The following IGSF10 variants were observed in gnomAD, a reference collection of about 807,000 sequenced individuals.
IGSF10 encodes immunoglobulin superfamily member 10.
IGSF10 carries 126 observed loss-of-function variants against 128.2 expected under a neutral mutation model. That is an observed-to-expected ratio of 0.98 (90% CI 0.85 to 1.14). The LOEUF is 1.14. Ranked by LOEUF, IGSF10 falls within the 50% of genes most tolerant of loss-of-function variation. The pLI is 0.00. For missense variants in IGSF10, 3,295 were observed against 3,149.8 expected, an observed-to-expected ratio of 1.05 and a Z score of -1.10; for synonymous variants, 1,185 against 1,146.2, an observed-to-expected ratio of 1.03 and a Z score of -0.68.
At chr3:151,617,299 TTCTTCTTCTTCTTCTTCTTCC>T in the IGSF10 span, among the ~76,000 whole-genome samples, 47 of 132,908 alleles carry the variant, frequency 3.5e-4, 2 homozygotes, top group African/African-American at 1.3e-3. Flanking sequence ...CTTCTTCTTC[TTCTTCTTCTTCTTCTTCTTCC>T]CCTCCTCCTC....
chr3:151,537,384 T>C, the IGSF10 span, among the ~76,000 whole-genome samples: 3 of 152,152 alleles, frequency 2.0e-5, no homozygotes, highest in South Asian at 6.2e-4. Flanking sequence ...TTTGTCAAAA[T>C]TATAGAGAAA....
upstream of IGSF10, among the ~76,000 whole-genome samples, chr3:151,462,815 T>C (rs535681999): frequency 6.6e-6 from 1 of 152,270 alleles, no homozygotes; most frequent in African/African-American, 2.4e-5. Context: ...ATGAACATGG[T>C]CTTTAGCTCT....
chr3:151,592,221 T>TACAC, the IGSF10 span, among the ~76,000 whole-genome samples: 5,940 of 150,372 alleles, frequency 0.04, 216 homozygotes, highest in East Asian at 0.12. Flanking sequence ...TTGAGATTAA[T>TACAC]ACACACACAC....
At position 151,443,114 on chromosome 3, in the gene IGSF10, C is replaced by G. The variant is rs1198338875; in HGVS notation, c.5833G>C (p.Ala1945Pro). The change falls in exon 7 of 8, where the codon GCT becomes CCT. Residue 1945 changes from alanine to proline, a missense_variant. Ala to Pro is a conservative substitution (Grantham distance 27). Transcript: ENST00000282466. ...EERVTSPRIEAASQKRTEVNF... is the reference protein window; with the variant it reads ...EERVTSPRIEPASQKRTEVNF... ...ACTTCAGTCCTTTTCTGGGATGCAG[C>G]TTCTATCCTGGGGCTGGTCACTCGC... 6.2e-7 allele frequency: 1 copy of G among 1,614,244 alleles called. No homozygotes were observed. The highest frequency in any genetic ancestry group is 8.5e-7 in the Non-Finnish European group (1 of 1,180,050).
In IGSF10 at chr3:151,437,225, T is replaced by C. The variant is rs374159434; in HGVS notation, c.7336A>G (p.Ser2446Gly). The change falls in exon 8 of 8, where the codon AGT becomes GGT. Residue 2446 changes from serine to glycine, a missense_variant. Ser to Gly is a moderately conservative substitution (Grantham distance 56). Transcript: ENST00000282466. The part of the protein sequence containing the change: ...TYAPGTVKGI[S>G]GESLSLHCVS... The stretch of plus-strand genomic sequence containing the variant: ...CAATGCAGTGATAGAGATTCTCCAC[T>C]GATGCCTTTTACTGTCCCTGGTGCA... The C allele has an allele frequency of 3.1e-6, 5 of 1,614,032 alleles. No homozygotes were observed. Among genetic ancestry groups the C allele is most frequent in the Admixed American group, 1.7e-5 (1 of 60,002 alleles).
the IGSF10 span, among the ~76,000 whole-genome samples, chr3:151,563,433 G>T: frequency 6.6e-6 from 1 of 152,234 alleles, no homozygotes; most frequent in Admixed American, 6.5e-5. Flanking sequence ...AAAAAGCTAA[G>T]GACTCTAGGG....
intron 4 of IGSF10, 104 bp downstream of exon 4, chr3:151,456,922 G>A: frequency 1.8e-6 from 2 of 1,106,298 alleles, no homozygotes; most frequent in South Asian, 1.5e-5. Context: ...CTAATTTACA[G>A]AATGTTGATT....
chr3:151,550,321 C>G, the IGSF10 span, among the ~76,000 whole-genome samples: 1 of 152,042 alleles, frequency 6.6e-6, no homozygotes, highest in Non-Finnish European at 1.5e-5. Context: ...TACTTGTTAT[C>G]AAGGAAATGT....
the IGSF10 span, among the ~76,000 whole-genome samples, chr3:151,575,107 G>A: frequency 6.6e-6 from 1 of 152,168 alleles, no homozygotes; most frequent in Non-Finnish European, 1.5e-5. Context: ...CCTTCCTCTG[G>A]AAGCTTTGTC....
chr3:151,437,234 T>C lies in IGSF10; in HGVS notation c.7327A>G (p.Lys2443Glu). The C allele has an allele frequency of 6.2e-7, 1 of 1,614,210 alleles. No homozygotes were observed. The highest frequency in any genetic ancestry group is 8.5e-7 in the Non-Finnish European group (1 of 1,180,026). ...GATAGAGATTCTCCACTGATGCCTT[T>C]TACTGTCCCTGGTGCATAGGTAAGA... ...VILTYAPGTV[K>E]GISGESLSLH... The change falls in exon 8 of 8, where the codon AAA becomes GAA. Residue 2443 changes from lysine (K) to glutamate (E), a missense_variant. Transcript: ENST00000282466.
At chr3:151,490,252 A>C in the IGSF10 span, among the ~76,000 whole-genome samples, 1 of 152,184 alleles carries the variant, frequency 6.6e-6, no homozygotes, top group African/African-American at 2.4e-5. Context: ...TTTAAAGTTG[A>C]CTTTAAGTCA....
At chr3:151,471,768 T>C in the IGSF10 span, among the ~76,000 whole-genome samples, 4 of 152,350 alleles carry the variant, frequency 2.6e-5, no homozygotes, top group East Asian at 7.7e-4. Flanking sequence ...CTTGTAGAAC[T>C]GAACTTGAAA....
chr3:151,524,461 G>C, the IGSF10 span, among the ~76,000 whole-genome samples: 1 of 152,158 alleles, frequency 6.6e-6, no homozygotes, highest in Non-Finnish European at 1.5e-5. Flanking sequence ...AAAAGAATAA[G>C]ATCATGTCTT....
the IGSF10 span, among the ~76,000 whole-genome samples, chr3:151,516,041 CACTG>C: frequency 1.7e-3 from 260 of 152,168 alleles, no homozygotes; most frequent in African/African-American, 6.0e-3. Context: ...TTTCATGGTT[CACTG>C]ACTGAGGACA....
At chr3:151,585,040 T>C in the IGSF10 span, among the ~76,000 whole-genome samples, 1 of 152,218 alleles carries the variant, frequency 6.6e-6, no homozygotes, top group African/African-American at 2.4e-5. Flanking sequence ...ACTGTAAAGA[T>C]TGCAAGCTAC....
At chr3:151,494,571 A>G in the IGSF10 span, among the ~76,000 whole-genome samples, 1 of 152,108 alleles carries the variant, frequency 6.6e-6, no homozygotes, top group Admixed American at 6.6e-5. Context: ...TAATGTAAAT[A>G]CGACTCAGGG....
At chr3:151,461,079 G>A (rs555352089), upstream of IGSF10, 2 of 985,422 alleles carry the variant, frequency 2.0e-6, no homozygotes, top group South Asian at 4.7e-5. Flanking sequence ...GAGCGAGGGC[G>A]GGGGATGAGC....
the IGSF10 span, among the ~76,000 whole-genome samples, chr3:151,473,551 G>A: frequency 2.6e-5 from 4 of 152,190 alleles, no homozygotes; most frequent in African/African-American, 7.2e-5. Flanking sequence ...CTTGTATAAT[G>A]TAACTGGATT....
At chr3:151,523,170 C>T in the IGSF10 span, among the ~76,000 whole-genome samples, 1 of 152,030 alleles carries the variant, frequency 6.6e-6, no homozygotes, top group Admixed American at 6.6e-5. Context: ...TTAGAGATGA[C>T]ACAAACTAAT....
Sources: allele counts gnomAD v4.1 joint callset (sites outside exome capture counted in the v4.1 genomes callset), GRCh38; gene constraint gnomAD v4.1.1; transcripts MANE v1.5; gene names NCBI Gene and HGNC (gene_info 2026-07-23, HGNC 2026-07-21).